STX7: variants seen among roughly 807,000 people sequenced by gnomAD.
STX7 encodes the protein syntaxin-7.
In STX7, 34 loss-of-function variants were observed where a neutral mutation model predicts 39.6. That is an observed-to-expected ratio of 0.86 (90% CI 0.65 to 1.14). STX7 has a LOEUF of 1.14. STX7 is among the 50% of genes most tolerant of loss of function. The probability of loss-of-function intolerance (pLI) is 0.00; values close to 1 mark genes in which losing one functional copy is unlikely to be tolerated. For missense variants in STX7, 284 were observed against 310.4 expected, an observed-to-expected ratio of 0.92 and a Z score of 0.64; for synonymous variants, 119 against 99.1, an observed-to-expected ratio of 1.20 and a Z score of -1.19.
chr6:132,507,084 A>G (rs922363094), intron 1 of STX7, among the ~76,000 whole-genome samples: 3 of 152,236 alleles, frequency 2.0e-5, no homozygotes, highest in Admixed American at 2.0e-4. Context: ...CTCACTTGTA[A>G]GTGGAACCTA....
chr6:132,482,652 A>G (rs769708452), intron 2 of STX7, among the ~76,000 whole-genome samples: 5 of 152,210 alleles, frequency 3.3e-5, no homozygotes, highest in Non-Finnish European at 5.9e-5. Flanking sequence ...ACAAAGAAAA[A>G]ATAAGTGTGT....
At chr6:132,462,606 T>C (rs1774440003) in intron 9 of STX7, among the ~76,000 whole-genome samples, 1 of 151,686 alleles carries the variant, frequency 6.6e-6, no homozygotes, top group Non-Finnish European at 1.5e-5. Context: ...TGTGTGTGTG[T>C]GTGTGTGTGT....
chr6:132,502,755 C>T (rs186514614), intron 2 of STX7, among the ~76,000 whole-genome samples: 10 of 152,110 alleles, frequency 6.6e-5, no homozygotes, highest in South Asian at 4.2e-4. Flanking sequence ...AAAAATTAGC[C>T]GGGCGTGGTG....
chr6:132,469,936 C>T lies in STX7; in HGVS notation c.537+15G>A. 1 of 1,581,576 alleles carries T rather than the reference C, an allele frequency of 6.3e-7. No individual in the cohort carries two copies. Among genetic ancestry groups the T allele is most frequent in the South Asian group, 1.2e-5 (1 of 86,738 alleles). On this transcript the variant is annotated intron_variant, in intron 7 of 9. Transcript: ENST00000367941. ...AGACCAGAGCAGCAGCCCAAGTCTA[C>T]AATGTAAGCCTTACTTCAAGTTGCC...
In STX7 at chr6:132,445,965, TCA is replaced by T. The variant is rs1419244684; in HGVS notation, c.*14791_*14792del. The T allele has an allele frequency of 1.3e-5, 2 of 152,206 alleles. No homozygotes were observed. Among genetic ancestry groups the T allele is most frequent in the African/African-American group, 4.8e-5 (2 of 41,454 alleles). The allele number at this position is 152,206 out of a possible 1,614,324, so 9.4% of individuals were successfully genotyped here. Reference sequence around the variant, plus strand: ...ACATGGGGTTGTTATTACAATCTCTTCAGTGTTCAAGGTTTCTAAAATTCTCA... The same window carrying T: ...ACATGGGGTTGTTATTACAATCTCTTGTGTTCAAGGTTTCTAAAATTCTCA... On this transcript the variant is annotated 3_prime_UTR_variant, in exon 10 of 10. Coordinates refer to ENST00000367941, the MANE Select transcript of STX7 (RefSeq NM_003569.3).
chr6:132,480,869 C>G lies in STX7; in HGVS notation c.86-5207G>C, dbSNP rs1774999442. On this transcript the variant is annotated intron_variant, in intron 2 of 9. Transcript: ENST00000367941. ...GCACCTGCCAGTATTCTTTTTCTTG[C>G]TCTGCAATGTATATATTTAGATATA... 2.6e-5 allele frequency among the ~76,000 whole-genome samples: 4 copies of G among 152,206 alleles called. No homozygotes were observed. In the East Asian group the frequency reaches 7.7e-4, roughly 29 times the overall value.
intron 2 of STX7, among the ~76,000 whole-genome samples, chr6:132,485,028 T>C (rs546182071): frequency 2.0e-5 from 3 of 152,226 alleles, no homozygotes; most frequent in Non-Finnish European, 2.9e-5. Flanking sequence ...TGCCACTTTA[T>C]TGAGGTACAA....
rs1582642442 is a variant in STX7 at position 132,460,389 on chromosome 6, G to C, written c.*369C>G. On this transcript the variant is annotated 3_prime_UTR_variant, in exon 10 of 10. Transcript: ENST00000367941. Reference sequence around the variant, plus strand: ...TTTAATTGAAGTAACACACATCTAGGTGTGTCACAGTGACAGGGAGATGCA... The same window carrying C: ...TTTAATTGAAGTAACACACATCTAGCTGTGTCACAGTGACAGGGAGATGCA... 1.2e-5 allele frequency: 2 copies of C among 160,048 alleles called. No individual in the cohort carries two copies. Among genetic ancestry groups the C allele is most frequent in the Non-Finnish European group, 2.7e-5 (2 of 73,366 alleles). The allele number at this position is 160,048 out of a possible 1,614,324, so 9.9% of individuals were successfully genotyped here. A position where few individuals can be genotyped will look rare whatever the true frequency, so the allele number is the denominator to read the frequency against.
At chr6:132,493,562 T>C (rs1471915193) in intron 2 of STX7, among the ~76,000 whole-genome samples, 1 of 152,184 alleles carries the variant, frequency 6.6e-6, no homozygotes, top group Non-Finnish European at 1.5e-5. Context: ...GAAGTCCCCA[T>C]GCTTTTCCTT....
rs1351520377 is a variant in STX7 at position 132,513,073 on chromosome 6, T to G, written c.-125A>C. 1.3e-5 allele frequency: 2 copies of G among 152,242 alleles called. No individual in the cohort carries two copies. The highest frequency in any genetic ancestry group is 2.4e-5 in the African/African-American group (1 of 41,434). 9.4% of individuals were successfully genotyped at this position (152,242 alleles called of 1,614,324 possible). On this transcript the variant is annotated 5_prime_UTR_variant, in exon 1 of 10. Coordinates refer to ENST00000367941, the MANE Select transcript of STX7 (RefSeq NM_003569.3). ...ACCCACCTACCCCGGAGCCCTCAGC[T>G]GCAATTCTCAGCTGATGGGCGGTGG...
chr6:132,493,988 C>A (rs1006990791), intron 2 of STX7, among the ~76,000 whole-genome samples: 2 of 152,094 alleles, frequency 1.3e-5, no homozygotes, highest in Admixed American at 1.3e-4. Context: ...AATAACTAGT[C>A]ATTATTATAG....
At position 132,448,699 on chromosome 6, in the gene STX7, G is replaced by T. The variant is rs1030227781; in HGVS notation, c.*12059C>A. 1 of 151,974 alleles carries T rather than the reference G, an allele frequency of 6.6e-6. No homozygotes were observed. Among genetic ancestry groups the T allele is most frequent in the South Asian group, 2.1e-4 (1 of 4,820 alleles). The allele number at this position is 151,974 out of a possible 1,614,324, so 9.4% of individuals were successfully genotyped here. ...AAAATACAAAAAAATTAGCCAGGTTGTGGTGGCGCACACCTGTACTCCCAG... is the reference window on the plus strand; with the variant it reads ...AAAATACAAAAAAATTAGCCAGGTTTTGGTGGCGCACACCTGTACTCCCAG... On this transcript the variant is annotated 3_prime_UTR_variant, in exon 10 of 10. Coordinates refer to ENST00000367941, the MANE Select transcript of STX7 (RefSeq NM_003569.3).
intron 2 of STX7, among the ~76,000 whole-genome samples, chr6:132,481,385 A>G (rs1246974806): frequency 6.6e-6 from 1 of 152,182 alleles, no homozygotes; most frequent in Non-Finnish European, 1.5e-5. Flanking sequence ...TTCTTTGAAC[A>G]TTGCTTACCT....
Position 132,452,276 on chromosome 6 carries a change from CATT to C in STX7, c.*8479_*8481del, listed in dbSNP as rs1438832610. The C allele has an allele frequency of 6.6e-6, 1 of 152,040 alleles. No individual in the cohort carries two copies. Among genetic ancestry groups the C allele is most frequent in the Non-Finnish European group, 1.5e-5 (1 of 67,998 alleles). The allele number at this position is 152,040 out of a possible 1,614,324, so 9.4% of individuals were successfully genotyped here. A position where few individuals can be genotyped will look rare whatever the true frequency, so the allele number is the denominator to read the frequency against. ...ATCTACTTTAAAAACCTACAGCTAACATTATACTTCATGGTGAAACACTGAATC... is the reference window on the plus strand; with the variant it reads ...ATCTACTTTAAAAACCTACAGCTAACATACTTCATGGTGAAACACTGAATC... On this transcript the variant is annotated 3_prime_UTR_variant, in exon 10 of 10. Coordinates refer to ENST00000367941, the MANE Select transcript of STX7 (RefSeq NM_003569.3).
Position 132,455,289 on chromosome 6 carries a change from T to C in STX7, c.*5469A>G, listed in dbSNP as rs543631587. 1 of 152,286 alleles carries C rather than the reference T, an allele frequency of 6.6e-6. No homozygotes were observed. The highest frequency in any genetic ancestry group is 2.1e-4 in the South Asian group (1 of 4,820). 9.4% of individuals were successfully genotyped at this position (152,286 alleles called of 1,614,324 possible). ...CTGATCAAAAAACTTTCAGAGGGCATTAAAAAGTGAAACTAGGTATCAGAA... is the reference window on the plus strand; with the variant it reads ...CTGATCAAAAAACTTTCAGAGGGCACTAAAAAGTGAAACTAGGTATCAGAA... On this transcript the variant is annotated 3_prime_UTR_variant, in exon 10 of 10. Coordinates refer to ENST00000367941, the MANE Select transcript of STX7 (RefSeq NM_003569.3).
At chr6:132,479,846 T>C (rs754251640) in intron 2 of STX7, among the ~76,000 whole-genome samples, 73 of 152,212 alleles carry the variant, frequency 4.8e-4, no homozygotes, top group Non-Finnish European at 9.4e-4. Context: ...TCTACAGAGA[T>C]GATTTTACCC....
At position 132,448,775 on chromosome 6, in the gene STX7, T is replaced by C. The variant is rs187115258; in HGVS notation, c.*11983A>G. On this transcript the variant is annotated 3_prime_UTR_variant, in exon 10 of 10. Coordinates refer to ENST00000367941, the MANE Select transcript of STX7 (RefSeq NM_003569.3). ...ATCAATTGAACCCGGGAAATGGAGG[T>C]TGCAGTGAGCAGAAATCACACCACT... 4.8e-5 allele frequency: 7 copies of C among 146,938 alleles called. No homozygotes were observed. Among genetic ancestry groups the C allele is most frequent in the African/African-American group, 1.5e-4 (6 of 39,620 alleles). The allele number at this position is 146,938 out of a possible 1,614,324, so 9.1% of individuals were successfully genotyped here.
At chr6:132,489,222 A>T (rs1174852795) in intron 2 of STX7, among the ~76,000 whole-genome samples, 1 of 145,336 alleles carries the variant, frequency 6.9e-6, no homozygotes, top group East Asian at 2.0e-4. Context: ...AAAAAAAAAA[A>T]AAAGGATGAT....
At chr6:132,472,022 C>T (rs1413314156) in intron 4 of STX7, among the ~76,000 whole-genome samples, 1 of 152,178 alleles carries the variant, frequency 6.6e-6, no homozygotes, top group Admixed American at 6.5e-5. Flanking sequence ...GAAATAATTA[C>T]TCAGGAAGCA....
Sources: gnomAD v4.1 joint callset for allele counts (sites outside exome capture counted in the v4.1 genomes callset) on GRCh38, gnomAD v4.1.1 for gene constraint, MANE v1.5 for transcripts, NCBI Gene and HGNC (gene_info 2026-07-23, HGNC 2026-07-21) for gene names.